The following PTK7 variants were observed in gnomAD, a reference collection of about 807,000 sequenced individuals.
PTK7 encodes the protein protein tyrosine kinase 7 (inactive), also known as inactive tyrosine-protein kinase 7.
PTK7 carries 39 observed loss-of-function variants against 116.6 expected under a neutral mutation model. That is an observed-to-expected ratio of 0.33 (90% confidence interval 0.26 to 0.44). The LOEUF is 0.44. PTK7 is among the 20% of genes least tolerant of loss of function. The probability of loss-of-function intolerance (pLI) is 1.00; values close to 1 mark genes in which losing one functional copy is unlikely to be tolerated. For synonymous variants in PTK7, 546 were observed against 563.6 expected (o/e 0.97, Z 0.44); for missense variants, 1,169 against 1,425.6 (o/e 0.82, Z 2.90).
chr6:43,151,065 C>T (rs868130303), intron 17 of PTK7, among the ~76,000 whole-genome samples: 3 of 152,020 alleles, frequency 2.0e-5, no homozygotes, highest in Middle Eastern at 6.8e-3. Flanking sequence ...TTGTGATCCA[C>T]CCACCTTGGT....
intron 17 of PTK7, among the ~76,000 whole-genome samples, chr6:43,152,303 C>A (rs936466248): frequency 6.6e-6 from 1 of 152,186 alleles, no homozygotes; most frequent in Non-Finnish European, 1.5e-5. Context: ...GAGGCCGAGG[C>A]AGGCAGATCA....
intron 7 of PTK7, 139 bp downstream of exon 7, chr6:43,132,826 G>A: frequency 1.6e-6 from 2 of 1,223,406 alleles, no homozygotes; most frequent in Non-Finnish European, 2.3e-6. Context: ...GTTCACTACT[G>A]GGAGTCGGTG....
At chr6:43,116,059 C>T (rs934936849) in intron 1 of PTK7, among the ~76,000 whole-genome samples, 4 of 152,098 alleles carry the variant, frequency 2.6e-5, no homozygotes, top group Admixed American at 2.0e-4. Flanking sequence ...ACCCTCCAGC[C>T]CCCTCCCTCA....
chr6:43,136,814 C>G (rs1349273397), intron 7 of PTK7, among the ~76,000 whole-genome samples: 1 of 151,924 alleles, frequency 6.6e-6, no homozygotes, highest in Non-Finnish European at 1.5e-5. Context: ...CAGCCTGGAC[C>G]ACATGGCCAG....
chr6:43,158,755 T>G, intron 17 of PTK7, 62 bp from the exon 18 acceptor site: 2 of 1,547,272 alleles, frequency 1.3e-6, no homozygotes, highest in South Asian at 1.2e-5. Context: ...AGGGTTGTGT[T>G]GAGGGTGGTC....
At chr6:43,099,458 C>T (rs1007823515) in intron 1 of PTK7, among the ~76,000 whole-genome samples, 1 of 151,438 alleles carries the variant, frequency 6.6e-6, no homozygotes, top group African/African-American at 2.4e-5. Flanking sequence ...TGGTCTCAAA[C>T]TCCTGAACTC....
At chr6:43,153,648 C>G (rs572148602) in intron 17 of PTK7, among the ~76,000 whole-genome samples, 71 of 152,138 alleles carry the variant, frequency 4.7e-4, no homozygotes, top group Non-Finnish European at 7.9e-4. Context: ...TAGGCTCAAG[C>G]AATCCTCCCA....
At chr6:43,128,583 G>A (rs937828862) in intron 1 of PTK7, among the ~76,000 whole-genome samples, 3 of 152,116 alleles carry the variant, frequency 2.0e-5, no homozygotes, top group Non-Finnish European at 4.4e-5. Context: ...TCAGGGGTTC[G>A]AGACCAGCCT....
At chr6:43,104,099 G>A (rs1456534291) in intron 1 of PTK7, among the ~76,000 whole-genome samples, 1 of 152,152 alleles carries the variant, frequency 6.6e-6, no homozygotes, top group Non-Finnish European at 1.5e-5. Flanking sequence ...GTAATTTAAT[G>A]ACTATTCTGG....
intron 1 of PTK7, among the ~76,000 whole-genome samples, chr6:43,106,650 C>CTTTT (rs11312929): frequency 1.0e-4 from 10 of 98,608 alleles, no homozygotes; most frequent in Non-Finnish European, 1.4e-4. Context: ...TCCTCCCTGC[C>CTTTT]TTTTTTTTTT....
At position 43,145,375 on chromosome 6, in the gene PTK7, C is replaced by T. The variant is rs774053415; in HGVS notation, c.2583C>T (p.Leu861=). Residue 861 remains leucine (L), a synonymous_variant, in exon 16 of 20, where the codon CTC becomes CTT. Coordinates refer to ENST00000230419, the MANE Select transcript of PTK7 (RefSeq NM_002821.5). The surrounding 1 kb of genome is among the most constrained non-coding windows in gnomAD (Gnocchi z 4.8). ...GKLNHANVVR[L]LGLCREAEPH... ...TGAACCACGCCAACGTGGTGCGGCTCCTGGGGCTGTGCCGGGAGGCTGAGC... is the reference window on the plus strand; with the variant it reads ...TGAACCACGCCAACGTGGTGCGGCTTCTGGGGCTGTGCCGGGAGGCTGAGC... 3.1e-6 allele frequency: 5 copies of T among 1,611,518 alleles called. No homozygotes were observed. Among genetic ancestry groups the T allele is most frequent in the Non-Finnish European group, 3.4e-6 (4 of 1,179,066 alleles).
chr6:43,087,164 G>C (rs950576275), intron 1 of PTK7, among the ~76,000 whole-genome samples: 30 of 152,210 alleles, frequency 2.0e-4, no homozygotes, highest in African/African-American at 7.0e-4. Context: ...GGAGAAGCCG[G>C]TGAGGGTGGA....
rs1389016215 is a variant in PTK7, at chr6:43,129,310, A to G, written c.367+46A>G. 7 of 1,604,588 alleles carry G rather than the reference A, an allele frequency of 4.4e-6. No individual in the cohort carries two copies. The highest frequency in any genetic ancestry group is 2.7e-5 in the African/African-American group (2 of 74,764). On this transcript the variant is annotated intron_variant, in intron 2 of 19. Transcript: ENST00000230419. This position sits in a 1 kb window ranked among gnomAD's most constrained non-coding sequence, Gnocchi z 4.5. ...GCCCAGTCCCCCTGTCAGACCCTCA[A>G]TGACTGAGGCCTGGGGGATCCCTCC...
intron 1 of PTK7, among the ~76,000 whole-genome samples, chr6:43,091,936 C>T (rs547802686): frequency 6.6e-6 from 1 of 152,220 alleles, no homozygotes; most frequent in East Asian, 1.9e-4. Flanking sequence ...GATCTCAGCT[C>T]ACTCCAACCT....
At chr6:43,123,332 A>G (rs1332301590) in intron 1 of PTK7, among the ~76,000 whole-genome samples, 3 of 152,188 alleles carry the variant, frequency 2.0e-5, no homozygotes, top group African/African-American at 7.2e-5. Flanking sequence ...TCTGAGGCCT[A>G]TATAGGTCCT....
rs759460266 is a variant in PTK7 at position 43,129,274 on chromosome 6, A to AG, written c.367+16dup. The AG allele has an allele frequency of 5.0e-6, 8 of 1,613,722 alleles. No individual in the cohort carries two copies. In the African/African-American group the frequency reaches 9.3e-5, roughly 19 times the overall value. On this transcript the variant is annotated intron_variant, in intron 2 of 19. Coordinates refer to ENST00000230419, the MANE Select transcript of PTK7 (RefSeq NM_002821.5). This position sits in a 1 kb window ranked among gnomAD's most constrained non-coding sequence, Gnocchi z 4.5. ...TCCTTCAACATCAAATGTGAGAGCC[A>AG]GGGGGGCTGTGCCCAGTCCCCCTGT...
Position 43,161,071 on chromosome 6 carries a change from T to A in PTK7, c.*190T>A. Reference sequence around the variant, plus strand: ...CACCCTCATCCTTTGGGAGGCTGACTTGGACCCAAACTGGGCGACTAGGGC... The same window carrying A: ...CACCCTCATCCTTTGGGAGGCTGACATGGACCCAAACTGGGCGACTAGGGC... On this transcript the variant is annotated 3_prime_UTR_variant, in exon 20 of 20. Coordinates refer to ENST00000230419, the MANE Select transcript of PTK7 (RefSeq NM_002821.5). 1 of 836,638 alleles carries A rather than the reference T, an allele frequency of 1.2e-6. No individual in the cohort carries two copies. Among genetic ancestry groups the A allele is most frequent in the Non-Finnish European group, 1.8e-6 (1 of 563,408 alleles). 51.8% of individuals were successfully genotyped at this position (836,638 alleles called of 1,614,324 possible).
intron 1 of PTK7, among the ~76,000 whole-genome samples, chr6:43,118,651 CTCTCTCTCTATATATATA>C (rs1168682419): frequency 3.2e-3 from 265 of 82,658 alleles, no homozygotes; most frequent in East Asian, 0.015. Flanking sequence ...CTCTCTCTCT[CTCTCTCTCTATATATATA>C]TATATATATA....
chr6:43,133,668 G>A (rs1769848361), intron 7 of PTK7: 3 of 152,144 alleles, frequency 2.0e-5, no homozygotes, highest in South Asian at 4.1e-4. Flanking sequence ...CAAACCTTTT[G>A]TGGTAGTTTA....
Sources: gnomAD v4.1 joint callset for allele counts (sites outside exome capture counted in the v4.1 genomes callset) on GRCh38, gnomAD v4.1.1 for gene constraint, Gnocchi (gnomAD v3.1) non-coding constraint, MANE v1.5 for transcripts, NCBI Gene and HGNC (gene_info 2026-07-23, HGNC 2026-07-21) for gene names.